The following LRP2 variants were observed in gnomAD, a reference collection of about 807,000 sequenced individuals.
The protein encoded by LRP2 is LDL receptor related protein 2, also known as low-density lipoprotein receptor-related protein 2.
A neutral mutation model predicts 531.0 loss-of-function variants in LRP2; 172 were observed. The ratio of observed to expected loss-of-function variants is 0.32; its 90% CI spans 0.29 to 0.37. The LOEUF is 0.37. LRP2 is among the 10% of genes least tolerant of loss of function. LRP2 has a pLI of 1.00. For synonymous variants in LRP2, 1,992 were observed against 2,027.6 expected, an observed-to-expected ratio of 0.98 and a Z score of 0.47; for missense variants, 5,167 against 5,868.3, an observed-to-expected ratio of 0.88 and a Z score of 3.90.
intron 1 of LRP2, among the ~76,000 whole-genome samples, chr2:169,351,272 G>A (rs1685839527): frequency 6.6e-6 from 1 of 152,122 alleles, no homozygotes. Context: ...AAAATGGCAT[G>A]GATTTGAGAA....
intron 1 of LRP2, among the ~76,000 whole-genome samples, chr2:169,354,799 T>C (rs1685946286): frequency 6.6e-6 from 1 of 152,232 alleles, no homozygotes; most frequent in Non-Finnish European, 1.5e-5. Context: ...CTACCATTTA[T>C]GAAAGAAGTC....
intron 8 of LRP2, among the ~76,000 whole-genome samples, chr2:169,290,264 C>CTT (rs11463198): frequency 0.068 from 3,889 of 56,936 alleles, 660 homozygotes; most frequent in East Asian, 0.28. Flanking sequence ...GAACCAGAAG[C>CTT]TTTTTTTTTT....
At chr2:169,337,005 A>G (rs1685423292) in intron 1 of LRP2, among the ~76,000 whole-genome samples, 1 of 152,164 alleles carries the variant, frequency 6.6e-6, no homozygotes, top group African/African-American at 2.4e-5. Context: ...GAATGAGACG[A>G]TTAGAGCCTT....
At chr2:169,271,837 G>T in intron 15 of LRP2, 1 of 211,396 alleles carries the variant, frequency 4.7e-6, no homozygotes, top group Non-Finnish European at 8.2e-6. Context: ...ATAAAGGAGT[G>T]AAAGCAGGGA....
intron 56 of LRP2, 73 bp from the exon 57 acceptor site, chr2:169,173,297 T>C: frequency 1.3e-6 from 2 of 1,579,278 alleles, no homozygotes; most frequent in Non-Finnish European, 1.7e-6. Flanking sequence ...ACATTGAGGT[T>C]GTGGTACTGA....
At chr2:169,269,623 A>G (rs1683344255) in intron 16 of LRP2, among the ~76,000 whole-genome samples, 1 of 152,232 alleles carries the variant, frequency 6.6e-6, no homozygotes, top group Admixed American at 6.5e-5. Context: ...TTAAAGATTT[A>G]AATGTTAGAC....
At chr2:169,329,908 G>A (rs1357654366) in intron 1 of LRP2, among the ~76,000 whole-genome samples, 10 of 152,216 alleles carry the variant, frequency 6.6e-5, no homozygotes, top group Non-Finnish European at 1.5e-4. Context: ...AGAGGCGGGT[G>A]AGTGAGCATT....
At chr2:169,288,804 A>G (rs1425028252) in intron 9 of LRP2, among the ~76,000 whole-genome samples, 1 of 152,184 alleles carries the variant, frequency 6.6e-6, no homozygotes, top group African/African-American at 2.4e-5. Context: ...TAGCTAGTCA[A>G]CTCGCTCATG....
At chr2:169,174,262 T>A in intron 55 of LRP2, 98 bp from the exon 56 acceptor site, 1 of 1,460,298 alleles carries the variant, frequency 6.8e-7, no homozygotes, top group South Asian at 1.2e-5. Context: ...TCATGATTTC[T>A]TTTTAGAGGA....
rs772927053 is a variant in LRP2 at position 169,145,943 on chromosome 2, A to T, written c.12812-20T>A. ...TCATTGCTGCTTACCCACAGGGGAA[A>T]AACAAAACAGAAGGTTATTGAAAAG... is the stretch of plus-strand genomic sequence containing the variant. On this transcript the variant is annotated intron_variant, in intron 69 of 78. Coordinates refer to ENST00000649046, the MANE Select transcript of LRP2 (RefSeq NM_004525.3). 57 of 1,613,344 alleles carry T rather than the reference A, an allele frequency of 3.5e-5. No individual in the cohort carries two copies. The highest frequency in any genetic ancestry group is 4.8e-5 in the Non-Finnish European group (57 of 1,179,384).
At position 169,246,971 on chromosome 2, in the gene LRP2, T is replaced by A; in HGVS notation, c.2924A>T (p.Asn975Ile). 1 of 1,614,116 alleles carries A rather than the reference T, an allele frequency of 6.2e-7. No homozygotes were observed. The highest frequency in any genetic ancestry group is 8.5e-7 in the Non-Finnish European group (1 of 1,180,022). Residue 975 changes from asparagine (N) to isoleucine (I), a missense_variant, in exon 21 of 79, where the codon AAT (asparagine) becomes ATT (isoleucine). Coordinates refer to ENST00000649046, the MANE Select transcript of LRP2 (RefSeq NM_004525.3). ...GTCACCGTTAGGATGCGTGGGTTGA[T>A]TACAGGCGTTAGAACCTGCAAAAGC... Reference protein sequence around the residue: ...VNIQTGSNACNQPTHPNGDCS... With the variant: ...VNIQTGSNACIQPTHPNGDCS...
intron 77 of LRP2, among the ~76,000 whole-genome samples, chr2:169,132,315 G>T: frequency 6.6e-6 from 1 of 152,274 alleles, no homozygotes. Flanking sequence ...GGATCCAGAA[G>T]TCTATTTGTT....
chr2:169,341,167 C>T (rs6751001), intron 1 of LRP2, among the ~76,000 whole-genome samples: 32,815 of 151,844 alleles, frequency 0.22, 3,723 homozygotes, highest in African/African-American at 0.27. Context: ...GGGGAGGGGA[C>T]GCCTCACAGA....
chr2:169,256,039 G>T (rs1478455387), intron 19 of LRP2, 67 bp downstream of exon 19: 1 of 1,527,852 alleles, frequency 6.5e-7, no homozygotes, highest in Non-Finnish European at 9.0e-7. Flanking sequence ...GCCACATGAG[G>T]ATGAGTTTAC....
Position 169,241,334 on chromosome 2 carries a change from A to C in LRP2, c.3699T>G (p.Asp1233Glu). ...TACCATCTTCTTGGCACTGAAATTC[A>C]TCTGAGTGGCACATACCAGGAGGCC... ...PTRPPGMCHS[D>E]EFQCQEDGIC... Residue 1233 changes from aspartate to glutamate, a missense_variant, in exon 25 of 79, where the codon GAT becomes GAG. Coordinates refer to ENST00000649046, the MANE Select transcript of LRP2 (RefSeq NM_004525.3). The C allele has an allele frequency of 6.2e-7, 1 of 1,614,192 alleles. No individual in the cohort carries two copies.
chr2:169,156,956 C>T (rs774745907), intron 64 of LRP2, among the ~76,000 whole-genome samples: 15 of 152,224 alleles, frequency 9.9e-5, no homozygotes, highest in Non-Finnish European at 2.1e-4. Flanking sequence ...TACCTTCTGA[C>T]TCCATACCTT....
At chr2:169,318,562 G>T (rs1684827794) in intron 3 of LRP2, among the ~76,000 whole-genome samples, 200 bp downstream of exon 3, 1 of 152,234 alleles carries the variant, frequency 6.6e-6, no homozygotes, top group South Asian at 2.1e-4. Context: ...AATTGCTGGG[G>T]TATATTCATA....
At chr2:169,318,604 T>C in intron 3 of LRP2, among the ~76,000 whole-genome samples, 158 bp downstream of exon 3, 1 of 152,208 alleles carries the variant, frequency 6.6e-6, no homozygotes, top group Non-Finnish European at 1.5e-5. Flanking sequence ...TTCAATATCA[T>C]CCAACCCCTG....
Position 169,226,554 on chromosome 2 carries a change from A to G in LRP2, c.5262T>C (p.His1754=), listed in dbSNP as rs1427832959. The G allele has an allele frequency of 6.2e-7, 1 of 1,612,880 alleles. No homozygotes were observed. Among genetic ancestry groups the G allele is most frequent in the Non-Finnish European group, 8.5e-7 (1 of 1,178,990 alleles). The part of the protein sequence containing the change: ...DQPFLITVRQ[H]IIFGISLNPE... ...GATTAAGGGAGATTCCAAAAATTATATGTTGCCTTACAGTTATTAAGAAAG... is the reference window on the plus strand; with the variant it reads ...GATTAAGGGAGATTCCAAAAATTATGTGTTGCCTTACAGTTATTAAGAAAG... The change falls in exon 32 of 79, where the codon CAT becomes CAC. Residue 1754 remains histidine (H), a synonymous_variant. Coordinates refer to ENST00000649046, the MANE Select transcript of LRP2 (RefSeq NM_004525.3).
Sources: allele counts gnomAD v4.1 joint callset (sites outside exome capture counted in the v4.1 genomes callset), GRCh38; gene constraint gnomAD v4.1.1; transcripts MANE v1.5; gene names NCBI Gene and HGNC (gene_info 2026-07-23, HGNC 2026-07-21).